Variants in PCDH15 observed in about 807,000 individuals in gnomAD.
The protein encoded by PCDH15 is protocadherin related 15, also known as protocadherin-15.
Under a neutral mutation model 178.5 loss-of-function variants are expected in PCDH15, and 129 were observed. The ratio of observed to expected loss-of-function variants is 0.72; its 90% CI spans 0.63 to 0.84. The LOEUF (loss-of-function observed/expected upper bound fraction) is 0.84, where lower values mean the gene tolerates loss of function less well. Among genes scored for constraint, PCDH15 ranks in the 40% least tolerant of loss-of-function variants. The pLI is 0.00. For missense variants in PCDH15, 2,230 were observed against 2,099.9 expected, an observed-to-expected ratio of 1.06 and a Z score of -1.21; for synonymous variants, 800 against 732.0, an observed-to-expected ratio of 1.09 and a Z score of -1.50.
chr10:55,510,481 T>TA (rs34968666), intron 2 of PCDH15, among the ~76,000 whole-genome samples: 7 of 151,732 alleles, frequency 4.6e-5, no homozygotes, highest in African/African-American at 1.2e-4. Context: ...CTTTATTGTT[T>TA]AAAAAAAAGT....
intron 18 of PCDH15, among the ~76,000 whole-genome samples, chr10:54,061,260 C>T (rs1184909972): frequency 6.6e-6 from 1 of 152,168 alleles, no homozygotes; most frequent in Non-Finnish European, 1.5e-5. Context: ...TTGTGGTCCA[C>T]AGTCAAGATA....
At chr10:54,536,932 T>C (rs1255943623) in intron 2 of PCDH15, among the ~76,000 whole-genome samples, 1 of 152,106 alleles carries the variant, frequency 6.6e-6, no homozygotes, top group Non-Finnish European at 1.5e-5. Flanking sequence ...ATGTCTTTGT[T>C]ATTGTGAATA....
intron 1 of PCDH15, among the ~76,000 whole-genome samples, chr10:55,313,671 C>T (rs542296272): frequency 2.0e-5 from 3 of 152,160 alleles, no homozygotes; most frequent in African/African-American, 7.2e-5. Context: ...AGGTTTTATG[C>T]TATGAGTTGA....
At chr10:54,589,370 A>T (rs1221851233) in intron 2 of PCDH15, among the ~76,000 whole-genome samples, 1 of 152,164 alleles carries the variant, frequency 6.6e-6, no homozygotes, top group Non-Finnish European at 1.5e-5. Flanking sequence ...TGGTATTTAA[A>T]CATCTTCTGC....
chr10:54,267,774 T>G (rs796304910), intron 8 of PCDH15, among the ~76,000 whole-genome samples: 1 of 151,826 alleles, frequency 6.6e-6, no homozygotes, highest in Non-Finnish European at 1.5e-5. Flanking sequence ...AATGAAATCA[T>G]AGATGACACA....
chr10:54,818,108 C>G (rs1952977383), intron 3 of PCDH15, among the ~76,000 whole-genome samples: 1 of 151,966 alleles, frequency 6.6e-6, no homozygotes. Flanking sequence ...CTCTGTCTAT[C>G]TATCCATGTA....
chr10:53,990,667 C>T (rs1214967606), intron 21 of PCDH15, among the ~76,000 whole-genome samples: 7 of 152,014 alleles, frequency 4.6e-5, no homozygotes, highest in Non-Finnish European at 8.8e-5. Flanking sequence ...GTGGCCCTCA[C>T]TTGCTCTCAG....
chr10:55,132,758 T>G (rs757705497), intron 2 of PCDH15, among the ~76,000 whole-genome samples: 6 of 152,212 alleles, frequency 3.9e-5, no homozygotes, highest in Non-Finnish European at 7.3e-5. Context: ...TGTACTTTAC[T>G]CATAAATATT....
intron 3 of PCDH15, among the ~76,000 whole-genome samples, chr10:54,435,199 T>C (rs2151078): frequency 0.48 from 72,415 of 151,954 alleles, 18,044 homozygotes; most frequent in Middle Eastern, 0.52. Flanking sequence ...CATTTATTGG[T>C]CTTCTATGTC....
At chr10:54,225,465 G>C (rs191719321) in intron 9 of PCDH15, among the ~76,000 whole-genome samples, 1 of 152,204 alleles carries the variant, frequency 6.6e-6, no homozygotes, top group African/African-American at 2.4e-5. Context: ...ACGTCTCTCT[G>C]ATGTGTTCCT....
Position 53,850,628 on chromosome 10 carries a change from C to A in PCDH15, c.3806+6547G>T, listed in dbSNP as rs183890812. The stretch of plus-strand genomic sequence containing the variant: ...AATGGTAGGATTTATTATTATATTT[C>A]TGGTTTGTATTTTATTTTTATGATT... On this transcript the variant is annotated intron_variant, in intron 28 of 37. Coordinates refer to ENST00000644397, the MANE Select transcript of PCDH15 (RefSeq NM_001384140.1). Among the ~76,000 whole-genome samples the A allele has an allele frequency of 1.3e-4, 20 of 151,884 alleles. No homozygotes were observed. The East Asian group carries it at 3.9e-3, about 29-fold the overall frequency.
intron 3 of PCDH15, among the ~76,000 whole-genome samples, chr10:54,470,219 C>T (rs2077810955): frequency 1.3e-5 from 2 of 152,182 alleles, no homozygotes; most frequent in African/African-American, 4.8e-5. Flanking sequence ...AGTTTTAGTA[C>T]ACACGAGCAG....
intron 2 of PCDH15, among the ~76,000 whole-genome samples, chr10:55,033,263 T>C (rs943376280): frequency 3.9e-5 from 6 of 152,050 alleles, no homozygotes; most frequent in Non-Finnish European, 5.9e-5. Flanking sequence ...TTGATGGAGT[T>C]GTGGCAGCAG....
intron 10 of PCDH15, among the ~76,000 whole-genome samples, chr10:54,208,528 C>T (rs191408609): frequency 6.6e-6 from 1 of 152,156 alleles, no homozygotes; most frequent in African/African-American, 2.4e-5. Flanking sequence ...ATCCTCTCAT[C>T]CTCTTTCCAC....
chr10:54,782,286 G>A (rs1950439684), intron 1 of PCDH15, among the ~76,000 whole-genome samples: 1 of 152,186 alleles, frequency 6.6e-6, no homozygotes, highest in Non-Finnish European at 1.5e-5. Context: ...TTCCAGTTCT[G>A]ACTCCATAAT....
intron 13 of PCDH15, among the ~76,000 whole-genome samples, chr10:54,169,342 A>C (rs1373283684): frequency 1.0e-5 from 1 of 96,232 alleles, no homozygotes; most frequent in Non-Finnish European, 2.3e-5. Context: ...GAGGCTACCC[A>C]CTCCACATTA....
intron 15 of PCDH15, among the ~76,000 whole-genome samples, chr10:54,129,157 G>A (rs747077343): frequency 1.5e-4 from 23 of 152,024 alleles, no homozygotes; most frequent in Admixed American, 5.9e-4. Flanking sequence ...TCAGGTTAAT[G>A]ACCAAGTGAA....
intron 1 of PCDH15, among the ~76,000 whole-genome samples, chr10:54,756,226 G>A (rs1386003435): frequency 6.6e-6 from 1 of 151,534 alleles, no homozygotes; most frequent in East Asian, 1.9e-4. Context: ...CTCCAGCCTG[G>A]GTGACAGAGA....
At chr10:54,388,157 A>G (rs1589159799) in intron 3 of PCDH15, among the ~76,000 whole-genome samples, 2 of 152,212 alleles carry the variant, frequency 1.3e-5, no homozygotes, top group African/African-American at 4.8e-5. Context: ...CGTATTTGCT[A>G]CAAGGCATTA....
Sources: gnomAD v4.1 joint callset for allele counts (sites outside exome capture counted in the v4.1 genomes callset) on GRCh38, gnomAD v4.1.1 for gene constraint, MANE v1.5 for transcripts, NCBI Gene and HGNC (gene_info 2026-07-23, HGNC 2026-07-21) for gene names.